DCHS1: variants seen among roughly 807,000 people sequenced by gnomAD.
DCHS1 encodes the protein dachsous cadherin-related 1, also known as protocadherin-16.
In DCHS1, 78 loss-of-function variants were observed where a neutral mutation model predicts 213.9. That is an observed-to-expected ratio of 0.36 (90% CI 0.30 to 0.44). The LOEUF (loss-of-function observed/expected upper bound fraction) is 0.44. DCHS1 is among the 20% of genes least tolerant of loss of function. The pLI, the probability that DCHS1 is intolerant of heterozygous loss-of-function variation, is 1.00. For synonymous variants in DCHS1, 1,828 were observed against 1,873.7 expected (o/e 0.98, Z 0.63); for missense variants, 3,946 against 4,395.9 (o/e 0.90, Z 2.89).
At chr11:6,637,009 A>C (rs543927651) in intron 2 of DCHS1, among the ~76,000 whole-genome samples, 1 of 152,344 alleles carries the variant, frequency 6.6e-6, no homozygotes, top group South Asian at 2.1e-4. Context: ...CTAAAGCCAG[A>C]AATCAGTTCT....
intron 2 of DCHS1, among the ~76,000 whole-genome samples, chr11:6,636,861 T>A (rs1855993767): frequency 6.6e-6 from 1 of 152,164 alleles, no homozygotes; most frequent in East Asian, 1.9e-4. Flanking sequence ...TCCTCTGAGA[T>A]TTCCCAACTT....
At chr11:6,643,146 T>C (rs1024876441) in intron 1 of DCHS1, among the ~76,000 whole-genome samples, 4 of 143,432 alleles carry the variant, frequency 2.8e-5, no homozygotes, top group Admixed American at 2.8e-4. Context: ...CTAAGGGAGG[T>C]TTCAAATGAT....
chr11:6,627,675 G>A lies in DCHS1; in HGVS notation c.5372-8C>T, dbSNP rs1168783626. ...CTCCTGATGGGTCCCCATCTGCAGA[G>A]AAGGGCATGCACATATAAATATACA... On this transcript the variant is annotated splice_polypyrimidine_tract_variant and splice_region_variant and intron_variant, in intron 13 of 20. Transcript: ENST00000299441. This position sits in a 1 kb window ranked among gnomAD's most constrained non-coding sequence, Gnocchi z 5.4. The A allele has an allele frequency of 2.5e-6, 4 of 1,610,058 alleles. No homozygotes were observed. The Admixed American group carries it at 6.7e-5, about 27-fold the overall frequency.
intron 1 of DCHS1, among the ~76,000 whole-genome samples, chr11:6,649,097 C>T (rs560323528): frequency 1.3e-5 from 2 of 151,896 alleles, no homozygotes; most frequent in African/African-American, 2.4e-5. Flanking sequence ...TAAATGTTAG[C>T]TGCTGCTGTT....
rs148156222 is a variant in DCHS1 at position 6,637,257 on chromosome 11, T to C, written c.1797+2560A>G. The stretch of plus-strand genomic sequence containing the variant: ...ACTGACATTTTGGACCAGATAATGC[T>C]TTATTATGGGAGCTGCTAAGTGCCT... On this transcript the variant is annotated intron_variant, in intron 2 of 20. Transcript: ENST00000299441. 6.6e-5 allele frequency among the ~76,000 whole-genome samples: 10 copies of C among 152,292 alleles called. No homozygotes were observed. In the East Asian group the frequency reaches 1.9e-3, roughly 29 times the overall value.
intron 6 of DCHS1, 102 bp downstream of exon 6, chr11:6,631,929 C>T (rs752091084): frequency 4.1e-6 from 6 of 1,447,706 alleles, no homozygotes; most frequent in Non-Finnish European, 5.5e-6. Context: ...AATCCTCATT[C>T]TCAGGGGCGA....
At chr11:6,638,697 C>G (rs1045560106) in intron 2 of DCHS1, among the ~76,000 whole-genome samples, 9 of 152,208 alleles carry the variant, frequency 5.9e-5, no homozygotes, top group African/African-American at 1.9e-4. Context: ...ACCCTGGGAA[C>G]AGGATTGTCT....
chr11:6,651,901 G>C (rs1856249808), intron 1 of DCHS1, among the ~76,000 whole-genome samples: 1 of 152,202 alleles, frequency 6.6e-6, no homozygotes, highest in African/African-American at 2.4e-5. Context: ...ACAGTAAAGA[G>C]CAGGCATGCA....
rs201667197 is a variant in DCHS1 at position 6,631,085 on chromosome 11, G to A, written c.3898C>T (p.Pro1300Ser). ...TLSAHDQGSP[P>S]RSASLQLLVQ... ...AGCAGCTGGAGGCTGGCACTTCGAGGAGGGCTGCCTTGGTCATGAGCACTC... is the reference window on the plus strand; with the variant it reads ...AGCAGCTGGAGGCTGGCACTTCGAGAAGGGCTGCCTTGGTCATGAGCACTC... The change falls in exon 9 of 21, where the codon CCT becomes TCT. Residue 1300 changes from proline (P) to serine (S), a missense_variant. Around this residue, in one of 3 missense-constraint regions of DCHS1, gnomAD observed 3,384 missense variants for 3,780.1 expected, o/e 0.90. Transcript: ENST00000299441. 11 of 1,611,858 alleles carry A rather than the reference G, an allele frequency of 6.8e-6. No individual in the cohort carries two copies. The African/African-American group carries it at 1.3e-4, about 20-fold the overall frequency.
intron 1 of DCHS1, among the ~76,000 whole-genome samples, chr11:6,655,311 A>ACCCCACACCC (rs1856298646): frequency 1.3e-5 from 2 of 151,302 alleles, no homozygotes; most frequent in African/African-American, 4.9e-5. Flanking sequence ...ACGCTGTCGC[A>ACCCCACACCC]CCCCACACCC....
In DCHS1 at chr11:6,632,446, C is replaced by T. The variant is rs570166527; in HGVS notation, c.3066G>A (p.Val1022=). 5.0e-6 allele frequency: 8 copies of T among 1,602,356 alleles called. No homozygotes were observed. In the East Asian group the frequency reaches 6.7e-5, roughly 13 times the overall value. Residue 1022 remains valine, a synonymous_variant, in exon 6 of 21, where the codon GTG becomes GTA. Coordinates refer to ENST00000299441, the MANE Select transcript of DCHS1 (RefSeq NM_003737.4). The surrounding 1 kb of genome is among the most constrained non-coding windows in gnomAD (Gnocchi z 5.9). ...GTTAGTQVLQ[V]QAQAPDGGPI... ...GGCCCCCATCTGGTGCTTGGGCCTG[C>T]ACTTGCAGGACCTGAGTTCCAGCAG...
chr11:6,626,207 G>C lies in DCHS1; in HGVS notation c.6538C>G (p.Leu2180Val). 1 of 1,611,300 alleles carries C rather than the reference G, an allele frequency of 6.2e-7. No homozygotes were observed. The highest frequency in any genetic ancestry group is 8.5e-7 in the Non-Finnish European group (1 of 1,178,782). Residue 2180 changes from leucine (L) to valine (V), a missense_variant, in exon 16 of 21, where the codon CTT becomes GTT. Physicochemically the swap from Leu to Val is conservative, Grantham distance 32. This residue lies in a region of DCHS1 where 3,384 missense variants were observed against 3,780.1 expected (regional missense o/e 0.90). Transcript: ENST00000299441. This position sits in a 1 kb window ranked among gnomAD's most constrained non-coding sequence, Gnocchi z 5.2. ...RFLRPHYVAF[L>V]PESRPLEGPL... ...CCCTCCAAGGGCCGGGACTCAGGAAGGAAGGCCACATAATGGGGCCGCAGG... is the reference window on the plus strand; with the variant it reads ...CCCTCCAAGGGCCGGGACTCAGGAACGAAGGCCACATAATGGGGCCGCAGG...
Position 6,633,496 on chromosome 11 carries a change from C to G in DCHS1, c.2371G>C (p.Glu791Gln). 1 of 1,581,538 alleles carries G rather than the reference C, an allele frequency of 6.3e-7. No individual in the cohort carries two copies. Among genetic ancestry groups the G allele is most frequent in the Non-Finnish European group, 8.6e-7 (1 of 1,163,132 alleles). Residue 791 changes from glutamate to glutamine, a missense_variant, in exon 5 of 21, where the codon GAG becomes CAG. This residue lies in a region of DCHS1 where 3,384 missense variants were observed against 3,780.1 expected (regional missense o/e 0.90). Transcript: ENST00000299441. Reference protein sequence around the residue: ...VPGTPTPPIFEQLQYVFSVPE... With the variant: ...VPGTPTPPIFQQLQYVFSVPE... ...ACAGAAAAAACATACTGTAGTTGCT[C>G]AAATATGGGTGGTGTGGGGGTTCCA... is the stretch of plus-strand genomic sequence containing the variant.
intron 2 of DCHS1, among the ~76,000 whole-genome samples, chr11:6,636,072 A>G (rs1239948940): frequency 6.6e-6 from 1 of 152,180 alleles, no homozygotes; most frequent in Admixed American, 6.5e-5. Context: ...CATCAGATGC[A>G]CTATTTCAAG....
At position 6,630,142 on chromosome 11, in the gene DCHS1, C is replaced by T. The variant is rs779792188; in HGVS notation, c.4652G>A (p.Arg1551His). ...CGGCTGGTCCTCTGGGAGGCGCACG[C>T]GTGACGGCGAGGCGAAGACAGGCGC... ...DNAPVFASPS[R>H]VRLPEDQPPG... The change falls in exon 10 of 21, where the codon CGC becomes CAC. Residue 1551 changes from arginine (R) to histidine (H), a missense_variant. Coordinates refer to ENST00000299441, the MANE Select transcript of DCHS1 (RefSeq NM_003737.4). The T allele has an allele frequency of 2.5e-6, 4 of 1,604,656 alleles. No homozygotes were observed. The highest frequency in any genetic ancestry group is 3.4e-6 in the Non-Finnish European group (4 of 1,175,064).
rs151083962 is a variant in DCHS1 at position 6,646,675 on chromosome 11, C to T, written c.-120-4942G>A. On this transcript the variant is annotated intron_variant, in intron 1 of 20. Coordinates refer to ENST00000299441, the MANE Select transcript of DCHS1 (RefSeq NM_003737.4). ...TTGCTACGTGCCCTCACTCTGTCCC[C>T]GGTCCTGCTACTTGGTCCTCTGACT... Among the ~76,000 whole-genome samples the T allele has an allele frequency of 2.9e-3, 447 of 152,314 alleles. 4 individuals carry two copies. The highest frequency in any genetic ancestry group is 9.9e-3 in the African/African-American group (410 of 41,562).
chr11:6,622,203 C>A lies in DCHS1; in HGVS notation c.9473G>T (p.Arg3158Leu). Residue 3158 changes from arginine to leucine, a missense_variant, in exon 21 of 21, where the codon CGT becomes CTT. Transcript: ENST00000299441. The surrounding 1 kb of genome is among the most constrained non-coding windows in gnomAD (Gnocchi z 5.4). The stretch of plus-strand genomic sequence containing the variant: ...CAGGTAGTCCCAGTTATAGCTGCCA[C>A]GGAGCTCCTCCTCGCCGGCCACAAT... ...TAIVAGEEELRGSYNWDYLLS... is the reference protein window; with the variant it reads ...TAIVAGEEELLGSYNWDYLLS... 2 of 1,604,098 alleles carry A rather than the reference C, an allele frequency of 1.2e-6. No homozygotes were observed. The highest frequency in any genetic ancestry group is 2.2e-5 in the East Asian group (1 of 44,568).
In DCHS1 at chr11:6,623,523, T is replaced by C. The variant is rs1359844316; in HGVS notation, c.8153A>G (p.Asn2718Ser). ...GGTCACGAGAGTGCCTGGAGGCTGA[T>C]TCTCGGCCACGCTGGTGCTGAGTAA... ...LNLLSTSVAE[N>S]QPPGTLVTTL... Residue 2718 changes from asparagine (N) to serine (S), a missense_variant, in exon 21 of 21, where the codon AAT becomes AGT. Physicochemically the swap from Asn to Ser is conservative, Grantham distance 46 (BLOSUM62 1). Transcript: ENST00000299441. 3 of 1,606,670 alleles carry C rather than the reference T, an allele frequency of 1.9e-6. No individual in the cohort carries two copies. The highest frequency in any genetic ancestry group is 1.7e-4 in the Middle Eastern group (1 of 6,058).
At chr11:6,653,908 T>C (rs1194240284) in intron 1 of DCHS1, among the ~76,000 whole-genome samples, 1 of 152,042 alleles carries the variant, frequency 6.6e-6, no homozygotes, top group African/African-American at 2.4e-5. Context: ...TGGAAGGATA[T>C]AGGAGGTTGT....
Sources: gnomAD v4.1 joint callset for allele counts (sites outside exome capture counted in the v4.1 genomes callset) on GRCh38, gnomAD v4.1.1 for gene constraint, gnomAD v4.1.1 regional missense constraint, Gnocchi (gnomAD v3.1) non-coding constraint, MANE v1.5 for transcripts, NCBI Gene and HGNC (gene_info 2026-07-23, HGNC 2026-07-21) for gene names.